ADAMTS16: variants seen among roughly 807,000 people sequenced by gnomAD.
ADAMTS16 encodes ADAM metallopeptidase with thrombospondin type 1 motif 16, also known as A disintegrin and metalloproteinase with thrombospondin motifs 16.
ADAMTS16 carries 94 observed loss-of-function variants against 145.8 expected under a neutral mutation model. That is an observed-to-expected ratio of 0.64 (90% CI 0.55 to 0.77). The LOEUF (loss-of-function observed/expected upper bound fraction) is 0.77, where lower values mean the gene tolerates loss of function less well. Among genes scored for constraint, ADAMTS16 ranks in the 30% least tolerant of loss-of-function variants. ADAMTS16 has a pLI of 0.00. For missense variants in ADAMTS16, 1,585 were observed against 1,591.5 expected (o/e 1.00, Z 0.07); for synonymous variants, 659 against 604.3 (o/e 1.09, Z -1.33).
At chr5:5,251,329 A>G (rs960718715) in intron 17 of ADAMTS16, among the ~76,000 whole-genome samples, 3 of 152,154 alleles carry the variant, frequency 2.0e-5, no homozygotes, top group Non-Finnish European at 2.9e-5. Flanking sequence ...CTCCTTAGGT[A>G]TGAGCATGAA....
chr5:5,197,743 T>C (rs1222852938), intron 8 of ADAMTS16, among the ~76,000 whole-genome samples: 1 of 152,232 alleles, frequency 6.6e-6, no homozygotes, highest in East Asian at 1.9e-4. Flanking sequence ...GTATTAAATG[T>C]AATCACTGTG....
At chr5:5,234,902 T>C in intron 12 of ADAMTS16, 112 bp from the exon 13 acceptor site, 3 of 733,526 alleles carry the variant, frequency 4.1e-6, no homozygotes, top group South Asian at 4.9e-5. Flanking sequence ...TCCACTTTTT[T>C]CCTAATTACC....
chr5:5,159,704 T>C (rs1734692300), intron 3 of ADAMTS16, among the ~76,000 whole-genome samples: 1 of 152,190 alleles, frequency 6.6e-6, no homozygotes, highest in South Asian at 2.1e-4. Context: ...GAGTGACTTA[T>C]GAAAGCAATT....
At chr5:5,161,544 A>G (rs992920147) in intron 3 of ADAMTS16, among the ~76,000 whole-genome samples, 1 of 152,208 alleles carries the variant, frequency 6.6e-6, no homozygotes. Context: ...GTAGATACGT[A>G]GATGTGTCAG....
chr5:5,277,673 T>C (rs1006407297), intron 18 of ADAMTS16, among the ~76,000 whole-genome samples: 3 of 152,160 alleles, frequency 2.0e-5, no homozygotes, highest in Non-Finnish European at 4.4e-5. Context: ...TATGATATAT[T>C]TCCTTAATTT....
intron 3 of ADAMTS16, among the ~76,000 whole-genome samples, chr5:5,167,403 G>T (rs2126536065): frequency 6.6e-6 from 1 of 152,318 alleles, no homozygotes; most frequent in East Asian, 1.9e-4. Flanking sequence ...AATATATTCA[G>T]TCCTTTGACT....
At chr5:5,316,077 C>T (rs769834941) in intron 21 of ADAMTS16, among the ~76,000 whole-genome samples, 2 of 152,158 alleles carry the variant, frequency 1.3e-5, no homozygotes, top group East Asian at 1.9e-4. Flanking sequence ...CCATCCCCAG[C>T]GATTTAAGTC....
intron 5 of ADAMTS16, among the ~76,000 whole-genome samples, chr5:5,187,085 C>T (rs767823770): frequency 4.6e-5 from 7 of 152,232 alleles, no homozygotes; most frequent in Admixed American, 6.5e-5. Flanking sequence ...AAAGCAAGCA[C>T]GGCCCTGTTG....
At chr5:5,209,543 C>T (rs569631765) in intron 10 of ADAMTS16, among the ~76,000 whole-genome samples, 1 of 152,220 alleles carries the variant, frequency 6.6e-6, no homozygotes, top group South Asian at 2.1e-4. Context: ...TGTAAGTTGG[C>T]AAATTAATAC....
intron 14 of ADAMTS16, among the ~76,000 whole-genome samples, 165 bp from the exon 15 acceptor site, chr5:5,238,986 C>T (rs974928754): frequency 6.6e-6 from 1 of 152,198 alleles, no homozygotes; most frequent in African/African-American, 2.4e-5. Flanking sequence ...AACACTGTAG[C>T]CCCGCTGTGC....
intron 18 of ADAMTS16, among the ~76,000 whole-genome samples, chr5:5,302,530 T>C (rs2126510210): frequency 6.6e-6 from 1 of 152,252 alleles, no homozygotes; most frequent in Admixed American, 6.5e-5. Context: ...AAGAATCCTG[T>C]AACCAGCAAA....
chr5:5,165,320 T>C (rs1057338482), intron 3 of ADAMTS16, among the ~76,000 whole-genome samples: 1 of 152,190 alleles, frequency 6.6e-6, no homozygotes, highest in Non-Finnish European at 1.5e-5. Context: ...CGTATCCCAC[T>C]GTGTTTATCC....
At chr5:5,204,530 C>A (rs1252524633) in intron 9 of ADAMTS16, among the ~76,000 whole-genome samples, 1 of 152,148 alleles carries the variant, frequency 6.6e-6, no homozygotes, top group Non-Finnish European at 1.5e-5. Flanking sequence ...GACATGGAAC[C>A]CTGTGTATTG....
intron 21 of ADAMTS16, among the ~76,000 whole-genome samples, chr5:5,312,636 CG>C (rs928773739): frequency 5.9e-5 from 9 of 151,958 alleles, no homozygotes; most frequent in African/African-American, 2.2e-4. Flanking sequence ...TTAGTAGAGA[CG>C]GGGTTTTGCC....
intron 18 of ADAMTS16, among the ~76,000 whole-genome samples, chr5:5,265,936 G>A (rs1264830286): frequency 1.3e-5 from 2 of 151,882 alleles, no homozygotes; most frequent in Admixed American, 6.6e-5. Context: ...TCAAGGCACC[G>A]AGTTACCAGT....
At chr5:5,212,970 T>G (rs1003180972) in intron 10 of ADAMTS16, among the ~76,000 whole-genome samples, 2 of 152,230 alleles carry the variant, frequency 1.3e-5, no homozygotes, top group African/African-American at 4.8e-5. Context: ...AGTGGTTGCT[T>G]TAGAGATTAC....
At chr5:5,222,130 A>C (rs776388035) in intron 10 of ADAMTS16, among the ~76,000 whole-genome samples, 1 of 152,176 alleles carries the variant, frequency 6.6e-6, no homozygotes, top group Non-Finnish European at 1.5e-5. Context: ...ATAGTTTACA[A>C]ATCTTTTTCA....
chr5:5,205,831 T>A (rs1174676896), intron 9 of ADAMTS16, among the ~76,000 whole-genome samples: 1 of 152,272 alleles, frequency 6.6e-6, no homozygotes, highest in Non-Finnish European at 1.5e-5. Flanking sequence ...GTGTTATTTA[T>A]ATGCTTTGTG....
At chr5:5,249,237 A>G in intron 17 of ADAMTS16, among the ~76,000 whole-genome samples, 1 of 152,156 alleles carries the variant, frequency 6.6e-6, no homozygotes, top group East Asian at 1.9e-4. Flanking sequence ...CTGATTAAGG[A>G]CCCAAGAAAA....
Sources: gnomAD v4.1 joint callset for allele counts (sites outside exome capture counted in the v4.1 genomes callset) on GRCh38, gnomAD v4.1.1 for gene constraint, MANE v1.5 for transcripts, NCBI Gene and HGNC (gene_info 2026-07-23, HGNC 2026-07-21) for gene names.